Variants in PUM1 observed in about 807,000 individuals in gnomAD.
The protein encoded by PUM1 is pumilio RNA binding family member 1.
PUM1 carries 13 observed loss-of-function variants against 131.8 expected under a neutral mutation model. That is an observed-to-expected ratio of 0.10 (90% CI 0.06 to 0.16). The LOEUF (loss-of-function observed/expected upper bound fraction) is 0.16, where lower values mean the gene tolerates loss of function less well. Ranked by LOEUF, PUM1 falls within the 10% of genes least tolerant of loss-of-function variation. The probability of loss-of-function intolerance (pLI) is 1.00; values close to 1 mark genes in which losing one functional copy is unlikely to be tolerated. For synonymous variants in PUM1, 509 were observed against 556.5 expected, an observed-to-expected ratio of 0.91 and a Z score of 1.20; for missense variants, 961 against 1,512.4, an observed-to-expected ratio of 0.64 and a Z score of 6.05.
chr1:30,988,749 T>C (rs1641662822), intron 7 of PUM1, among the ~76,000 whole-genome samples: 1 of 152,196 alleles, frequency 6.6e-6, no homozygotes, highest in African/African-American at 2.4e-5. Context: ...AGCCTAGGAC[T>C]ACACCACAGT....
At chr1:31,024,919 C>T (rs905287793) in intron 3 of PUM1, among the ~76,000 whole-genome samples, 1 of 152,180 alleles carries the variant, frequency 6.6e-6, no homozygotes, top group South Asian at 2.1e-4. Flanking sequence ...CTACAAACAT[C>T]CTTTTCTAGA....
In PUM1 at chr1:31,060,640, A is replaced by G. The variant is rs1046343145; in HGVS notation, c.-11-1063T>C. Among the ~76,000 whole-genome samples, 6 of 151,676 alleles carry G rather than the reference A, an allele frequency of 4.0e-5. No homozygotes were observed. The East Asian group carries it at 1.2e-3, about 30-fold the overall frequency. On this transcript the variant is annotated intron_variant, in intron 1 of 21. Coordinates refer to ENST00000426105, the MANE Select transcript of PUM1 (RefSeq NM_001020658.2). ...GGTGGCTCACGCCTATAATCCCAAC[A>G]CTTCGGAGGCCAAGGCAGGTGTATC...
chr1:31,007,984 T>A (rs1245237672), intron 3 of PUM1, among the ~76,000 whole-genome samples: 1 of 152,224 alleles, frequency 6.6e-6, no homozygotes, highest in African/African-American at 2.4e-5. Context: ...ATGCCCCCTC[T>A]TATTTCCTCT....
chr1:30,935,147 G>A (rs1639147136), intron 21 of PUM1, among the ~76,000 whole-genome samples: 1 of 152,042 alleles, frequency 6.6e-6, no homozygotes, highest in South Asian at 2.1e-4. Context: ...AACTACAAAG[G>A]CCACATGGCA....
intron 2 of PUM1, among the ~76,000 whole-genome samples, chr1:31,056,426 G>A (rs1021812846): frequency 3.3e-5 from 5 of 151,184 alleles, no homozygotes; most frequent in Non-Finnish European, 4.4e-5. Context: ...GATTACAGGT[G>A]TGCACCACCA....
Position 30,995,087 on chromosome 1 carries a change from T to C in PUM1, c.854A>G (p.Gln285Arg), listed in dbSNP as rs1337129439. The C allele has an allele frequency of 6.2e-7, 1 of 1,614,088 alleles. No homozygotes were observed. Among genetic ancestry groups the C allele is most frequent in the Non-Finnish European group, 8.5e-7 (1 of 1,180,024 alleles). Residue 285 changes from glutamine to arginine, a missense_variant, in exon 6 of 22, where the codon CAG (glutamine) becomes CGG (arginine). Around this residue, in one of 4 missense-constraint regions of PUM1, gnomAD observed 654 missense variants for 923.9 expected, o/e 0.71. Coordinates refer to ENST00000426105, the MANE Select transcript of PUM1 (RefSeq NM_001020658.2). ...VMDKTNGLPV[Q>R]NGIDADVKDF... ...TTTGACGTCTGCATCAATCCCATTC[T>C]GCACTGGTAAACCATTGGTCTTGTC...
At chr1:30,937,480 G>A (rs1246666270) in intron 20 of PUM1, among the ~76,000 whole-genome samples, 1 of 152,036 alleles carries the variant, frequency 6.6e-6, no homozygotes, top group African/African-American at 2.4e-5. Flanking sequence ...ACTCCAGCCT[G>A]AGCGACAGAG....
intron 7 of PUM1, among the ~76,000 whole-genome samples, chr1:30,985,389 A>G (rs1335684229): frequency 6.6e-6 from 1 of 152,138 alleles, no homozygotes; most frequent in African/African-American, 2.4e-5. Context: ...AAAGTGGCTC[A>G]TGCCTTTAAT....
intron 2 of PUM1, among the ~76,000 whole-genome samples, chr1:31,038,241 G>C (rs1643682239): frequency 6.6e-6 from 1 of 151,806 alleles, no homozygotes; most frequent in African/African-American, 2.4e-5. Flanking sequence ...GTTCAGAGGA[G>C]AACTATCAGC....
chr1:30,999,628 A>C (rs1233053586), intron 5 of PUM1, among the ~76,000 whole-genome samples: 4 of 148,378 alleles, frequency 2.7e-5, no homozygotes, highest in Admixed American at 6.7e-5. Context: ...AAAAAAAAAA[A>C]AAAAAAAAAA....
intron 7 of PUM1, among the ~76,000 whole-genome samples, chr1:30,984,974 T>C (rs1380262158): frequency 6.6e-6 from 1 of 152,124 alleles, no homozygotes; most frequent in African/African-American, 2.4e-5. Context: ...CTGACTTTTT[T>C]ACCAGTTTGA....
chr1:31,059,238 C>A lies in PUM1; in HGVS notation c.329G>T (p.Trp110Leu), dbSNP rs762060302. The change falls in exon 2 of 22, where the codon TGG becomes TTG. Residue 110 changes from tryptophan (W) to leucine (L), a missense_variant. Physicochemically the swap from Trp to Leu is moderately conservative, Grantham distance 61. Transcript: ENST00000426105. Reference protein sequence around the residue: ...GGGYNNSKHRWPTGDNIHAEH... With the variant: ...GGGYNNSKHRLPTGDNIHAEH... ...TGCATGAATGTTATCCCCAGTAGGC[C>A]ATCGATGTTTGCTATTATTATAGCC... is the stretch of plus-strand genomic sequence containing the variant. 1 of 1,608,112 alleles carries A rather than the reference C, an allele frequency of 6.2e-7. No homozygotes were observed. Among genetic ancestry groups the A allele is most frequent in the Admixed American group, 1.7e-5 (1 of 58,788 alleles).
chr1:31,029,544 T>C (rs1342344834), intron 2 of PUM1, among the ~76,000 whole-genome samples: 1 of 152,254 alleles, frequency 6.6e-6, no homozygotes, highest in Admixed American at 6.5e-5. Context: ...TACAAGGTAA[T>C]AACATCAAGG....
At position 31,025,873 on chromosome 1, in the gene PUM1, T is replaced by C. The variant is rs200370791; in HGVS notation, c.432+2923A>G. On this transcript the variant is annotated intron_variant, in intron 3 of 21. Coordinates refer to ENST00000426105, the MANE Select transcript of PUM1 (RefSeq NM_001020658.2). ...GCCCGGCCAGTAAATACTGTATTTA[T>C]ACACACTCCCTCTCAGAGATGTTTT... 2.6e-5 allele frequency among the ~76,000 whole-genome samples: 4 copies of C among 152,284 alleles called. No individual in the cohort carries two copies. In the East Asian group the frequency reaches 7.7e-4, roughly 29 times the overall value.
At chr1:30,933,445 C>G in intron 21 of PUM1, 103 bp from the exon 22 acceptor site, 4 of 485,334 alleles carry the variant, frequency 8.2e-6, no homozygotes, top group Non-Finnish European at 7.2e-6. Flanking sequence ...CACATACACA[C>G]ACACACACAC....
chr1:31,029,991 G>A (rs1452584789), intron 2 of PUM1, among the ~76,000 whole-genome samples: 3 of 151,432 alleles, frequency 2.0e-5, no homozygotes, highest in African/African-American at 7.3e-5. Flanking sequence ...CGAGGCAGGA[G>A]GATCACTTGA....
intron 14 of PUM1, among the ~76,000 whole-genome samples, chr1:30,959,888 C>G (rs1409726158): frequency 6.8e-6 from 1 of 146,190 alleles, no homozygotes; most frequent in Non-Finnish European, 1.5e-5. Context: ...CCCTGGGAGA[C>G]AGACCAAGAC....
At chr1:30,952,893 G>A (rs573905371) in intron 15 of PUM1, among the ~76,000 whole-genome samples, 5 of 152,004 alleles carry the variant, frequency 3.3e-5, no homozygotes, top group Admixed American at 1.3e-4. Context: ...GGAGAATGGC[G>A]TGAACCCGGG....
At chr1:31,021,543 G>A (rs1365006277) in intron 3 of PUM1, among the ~76,000 whole-genome samples, 1 of 152,084 alleles carries the variant, frequency 6.6e-6, no homozygotes, top group African/African-American at 2.4e-5. Flanking sequence ...ACAAACTTTT[G>A]TATGAGAAAA....
Sources: gnomAD v4.1 joint callset for allele counts (sites outside exome capture counted in the v4.1 genomes callset) on GRCh38, gnomAD v4.1.1 for gene constraint, gnomAD v4.1.1 regional missense constraint, MANE v1.5 for transcripts, NCBI Gene and HGNC (gene_info 2026-07-23, HGNC 2026-07-21) for gene names.